Variants in STK39 observed in about 807,000 individuals in gnomAD.
STK39 encodes the protein serine/threonine kinase 39.
STK39 carries 20 observed loss-of-function variants against 77.8 expected under a neutral mutation model. The observed-to-expected ratio is 0.26, with a 90% CI of 0.18 to 0.37. The LOEUF is 0.37. Ranked by LOEUF, STK39 falls within the 10% of genes least tolerant of loss-of-function variation. The pLI is 1.00. For synonymous variants in STK39, 246 were observed against 234.1 expected (o/e 1.05, Z -0.47); for missense variants, 479 against 656.5 (o/e 0.73, Z 2.95).
chr2:167,963,686 T>A (rs1692064267), intron 17 of STK39, among the ~76,000 whole-genome samples: 1 of 152,206 alleles, frequency 6.6e-6, no homozygotes. Context: ...TGAAAATCTT[T>A]GTGTTTTTCT....
At chr2:168,207,024 T>C (rs1689759958) in intron 1 of STK39, among the ~76,000 whole-genome samples, 1 of 152,182 alleles carries the variant, frequency 6.6e-6, no homozygotes, top group African/African-American at 2.4e-5. Context: ...TTTATACCCC[T>C]CTTTTGCCTT....
intron 16 of STK39, among the ~76,000 whole-genome samples, chr2:167,975,845 C>T (rs1683262933): frequency 6.6e-6 from 1 of 152,208 alleles, no homozygotes; most frequent in African/African-American, 2.4e-5. Context: ...CCGGCTTAGC[C>T]AAGGTCATGC....
intron 2 of STK39, among the ~76,000 whole-genome samples, chr2:168,178,035 T>G (rs1260315517): frequency 6.6e-6 from 1 of 152,210 alleles, no homozygotes; most frequent in Non-Finnish European, 1.5e-5. Context: ...CCATTCTGTT[T>G]TCCCATCACC....
chr2:168,145,554 T>A (rs1688114201), intron 5 of STK39, among the ~76,000 whole-genome samples: 1 of 152,160 alleles, frequency 6.6e-6, no homozygotes, highest in African/African-American at 2.4e-5. Flanking sequence ...AAAGCTCCCT[T>A]TCTTACTGTA....
chr2:168,236,324 G>T (rs1288253030), intron 1 of STK39, among the ~76,000 whole-genome samples: 37 of 151,338 alleles, frequency 2.4e-4, no homozygotes, highest in African/African-American at 3.6e-4. Flanking sequence ...TAAATTTGTT[G>T]GAGTTCATTG....
At chr2:167,974,827 A>G (rs1230679268) in intron 16 of STK39, among the ~76,000 whole-genome samples, 1 of 152,212 alleles carries the variant, frequency 6.6e-6, no homozygotes, top group Non-Finnish European at 1.5e-5. Flanking sequence ...TAATAACTTT[A>G]GAATCACATC....
At chr2:168,159,310 A>C (rs571638494) in intron 5 of STK39, among the ~76,000 whole-genome samples, 3 of 152,270 alleles carry the variant, frequency 2.0e-5, no homozygotes, top group Non-Finnish European at 4.4e-5. Context: ...TCCAGGTAGC[A>C]ACAAAAAGGG....
At chr2:168,245,202 A>G (rs1438858938) in intron 1 of STK39, among the ~76,000 whole-genome samples, 8 of 152,184 alleles carry the variant, frequency 5.3e-5, no homozygotes, top group Admixed American at 5.2e-4. Context: ...GCACCTTACA[A>G]ACTCAGACTT....
chr2:168,032,948 T>C (rs1684864658), intron 14 of STK39, among the ~76,000 whole-genome samples: 1 of 152,142 alleles, frequency 6.6e-6, no homozygotes, highest in Admixed American at 6.5e-5. Context: ...ATTTGAAAAA[T>C]AAAAGGATGG....
At chr2:168,200,344 G>A (rs1689581929) in intron 1 of STK39, among the ~76,000 whole-genome samples, 1 of 151,992 alleles carries the variant, frequency 6.6e-6, no homozygotes, top group Non-Finnish European at 1.5e-5. Context: ...CCTAAAAGAA[G>A]CATATTCCAA....
intron 16 of STK39, among the ~76,000 whole-genome samples, chr2:167,968,036 C>T (rs746207354): frequency 1.3e-5 from 2 of 151,642 alleles, no homozygotes; most frequent in Non-Finnish European, 2.9e-5. Context: ...TGAGAACATG[C>T]GGTATTTGGT....
chr2:168,233,499 T>C (rs1369696704), intron 1 of STK39, among the ~76,000 whole-genome samples: 1 of 152,150 alleles, frequency 6.6e-6, no homozygotes, highest in Non-Finnish European at 1.5e-5. Flanking sequence ...CCTACCCAAA[T>C]AGTGCTTGCT....
intron 10 of STK39, among the ~76,000 whole-genome samples, chr2:168,078,391 G>A (rs1187729077): frequency 6.6e-6 from 1 of 152,194 alleles, no homozygotes; most frequent in Non-Finnish European, 1.5e-5. Flanking sequence ...GGCAGGGCTA[G>A]GATGAGCAGC....
intron 10 of STK39, among the ~76,000 whole-genome samples, chr2:168,089,805 G>A (rs1176421059): frequency 6.6e-6 from 1 of 152,130 alleles, no homozygotes; most frequent in Non-Finnish European, 1.5e-5. Flanking sequence ...CAGAGATGGG[G>A]CTTCTCCATG....
chr2:168,139,408 T>TTATATATATA (rs71003023), intron 7 of STK39, among the ~76,000 whole-genome samples: 2 of 144,494 alleles, frequency 1.4e-5, no homozygotes, highest in African/African-American at 5.3e-5. Context: ...TAAAAAAAAT[T>TTATATATATA]TATATATATA....
chr2:168,071,602 C>A (rs1685941284), intron 12 of STK39, among the ~76,000 whole-genome samples: 1 of 152,084 alleles, frequency 6.6e-6, no homozygotes, highest in Admixed American at 6.5e-5. Context: ...CAAAATCAGG[C>A]CGGGCACAGT....
intron 1 of STK39, among the ~76,000 whole-genome samples, chr2:168,183,194 C>T (rs190789800): frequency 1.1e-4 from 16 of 152,064 alleles, no homozygotes; most frequent in Admixed American, 5.9e-4. Flanking sequence ...TTTCTTCCGC[C>T]CTGTGGCCTC....
intron 14 of STK39, among the ~76,000 whole-genome samples, chr2:168,018,640 T>A (rs533492877): frequency 6.6e-6 from 1 of 151,644 alleles, no homozygotes; most frequent in African/African-American, 2.4e-5. Context: ...GCTGAGCCTC[T>A]GAAAATGTCT....
intron 14 of STK39, among the ~76,000 whole-genome samples, chr2:168,037,925 A>T (rs1056976672): frequency 6.6e-6 from 1 of 152,168 alleles, no homozygotes; most frequent in African/African-American, 2.4e-5. Context: ...TTTGAAACAG[A>T]AGCTGTGCTG....
Sources: gnomAD v4.1 joint callset for allele counts (sites outside exome capture counted in the v4.1 genomes callset) on GRCh38, gnomAD v4.1.1 for gene constraint, MANE v1.5 for transcripts, NCBI Gene and HGNC (gene_info 2026-07-23, HGNC 2026-07-21) for gene names.